The following TTLL6 variants were observed in gnomAD, a reference collection of about 807,000 sequenced individuals.
TTLL6 encodes tubulin polyglutamylase TTLL6.
In TTLL6, 75 loss-of-function variants were observed where a neutral mutation model predicts 96.4. The ratio of observed to expected loss-of-function variants is 0.78; its 90% CI spans 0.65 to 0.94. The LOEUF is 0.94. Among genes scored for constraint, TTLL6 ranks in the 40% least tolerant of loss-of-function variants. TTLL6 has a pLI of 0.00. For missense variants in TTLL6, 1,030 were observed against 1,093.0 expected (o/e 0.94, Z 0.81); for synonymous variants, 411 against 419.4 (o/e 0.98, Z 0.24).
Position 48,769,071 on chromosome 17 carries a change from G to T in TTLL6, c.2594C>A (p.Ala865Asp), listed in dbSNP as rs1281029604. The T allele has an allele frequency of 3.7e-6, 6 of 1,614,068 alleles. No individual in the cohort carries two copies. The Admixed American group carries it at 1.0e-4, about 27-fold the overall frequency. The part of the protein sequence containing the change: ...DPRPCRSHAS[A>D]MRDPCMQDQE... ...ATCCTGCATACATGGGTCCCTCATA[G>T]CACTTGCGTGGCTTCTACAAGGCCT... The change falls in exon 15 of 16, where the codon GCT becomes GAT. Residue 865 changes from alanine (A) to aspartate (D), a missense_variant. By Grantham distance (126) the Ala-to-Asp change is moderately radical (BLOSUM62 -2). Transcript: ENST00000393382.
At chr17:48,813,305 C>T (rs1302803098) in intron 1 of TTLL6, among the ~76,000 whole-genome samples, 2 of 151,160 alleles carry the variant, frequency 1.3e-5, no homozygotes, top group African/African-American at 4.9e-5. Context: ...CCTGTAATCT[C>T]AGCACTTTCG....
At position 48,797,099 on chromosome 17, in the gene TTLL6, C is replaced by T; in HGVS notation, c.874G>A (p.Ala292Thr). 1 of 1,551,428 alleles carries T rather than the reference C, an allele frequency of 6.4e-7. No homozygotes were observed. The highest frequency in any genetic ancestry group is 8.7e-7 in the Non-Finnish European group (1 of 1,146,964). ...CAAGGGCGGGAGTAAGAGGTCGTCGCAAAGCGGGCCAGTCCTTCATTGTAC... is the reference window on the plus strand; with the variant it reads ...CAAGGGCGGGAGTAAGAGGTCGTCGTAAAGCGGGCCAGTCCTTCATTGTAC... ...FVYNEGLARF[A>T]TTSYSRPCTD... The change falls in exon 7 of 16, where the codon GCG becomes ACG. Residue 292 changes from alanine to threonine, a missense_variant. Transcript: ENST00000393382.
intron 13 of TTLL6, among the ~76,000 whole-genome samples, chr17:48,778,631 T>TAA (rs542565908): frequency 1.5e-4 from 21 of 137,892 alleles, no homozygotes; most frequent in African/African-American, 4.0e-4. Context: ...CTCAGTCTCT[T>TAA]AAAAAAAAAA....
intron 13 of TTLL6, among the ~76,000 whole-genome samples, chr17:48,774,558 T>A (rs973624717): frequency 2.0e-5 from 3 of 151,468 alleles, no homozygotes; most frequent in East Asian, 1.9e-4. Context: ...ATTACTAATA[T>A]CAGGAATGAA....
Position 48,791,607 on chromosome 17 carries a change from G to A in TTLL6, c.999-4C>T. The A allele has an allele frequency of 6.2e-7, 1 of 1,605,762 alleles. No individual in the cohort carries two copies. Among genetic ancestry groups the A allele is most frequent in the Non-Finnish European group, 8.5e-7 (1 of 1,173,796 alleles). On this transcript the variant is annotated splice_polypyrimidine_tract_variant and splice_region_variant and intron_variant, in intron 8 of 15. Transcript: ENST00000393382. ...TGCACTGAAGGTGGAGAGCTTCCTG[G>A]AAGGGAACCACAGGCCAGGAGGCAG...
intron 7 of TTLL6, 73 bp downstream of exon 7, chr17:48,796,988 G>T: frequency 7.0e-7 from 1 of 1,433,956 alleles, no homozygotes; most frequent in South Asian, 1.5e-5. Context: ...TGAGGATGTG[G>T]ATTTAACTAG....
At chr17:48,781,346 C>T (rs889000873) in intron 13 of TTLL6, among the ~76,000 whole-genome samples, 2 of 152,082 alleles carry the variant, frequency 1.3e-5, no homozygotes, top group Non-Finnish European at 2.9e-5. Context: ...TGCACCTAGC[C>T]CTATTTTCAA....
chr17:48,789,057 G>A (rs547895966), intron 10 of TTLL6, among the ~76,000 whole-genome samples: 1 of 151,460 alleles, frequency 6.6e-6, no homozygotes, highest in African/African-American at 2.4e-5. Context: ...GGAAGCAGGA[G>A]ACGTTAGCTC....
intron 3 of TTLL6, among the ~76,000 whole-genome samples, chr17:48,803,235 C>T: frequency 6.6e-6 from 1 of 152,110 alleles, no homozygotes; most frequent in East Asian, 1.9e-4. Context: ...TGGCTCACAC[C>T]TATAATCCCA....
chr17:48,776,081 G>A (rs558964990), intron 13 of TTLL6, among the ~76,000 whole-genome samples: 36 of 152,276 alleles, frequency 2.4e-4, no homozygotes, highest in Non-Finnish European at 4.7e-4. Context: ...AGAGACTAAT[G>A]ATTGGAAAGA....
At position 48,762,921 on chromosome 17, in the gene TTLL6, TTCC is replaced by T; in HGVS notation, c.*50_*52del. 2.2e-6 allele frequency: 1 copy of T among 456,472 alleles called. No individual in the cohort carries two copies. Among genetic ancestry groups the T allele is most frequent in the South Asian group, 1.6e-5 (1 of 64,516 alleles). 28.3% of individuals were successfully genotyped at this position (456,472 alleles called of 1,614,324 possible). Reference sequence around the variant, plus strand: ...GACACTGTCGGAAGAGACACATTGTTTCCTGCAAGTTAAGAGGTAGGAAGGGAA... The same window carrying T: ...GACACTGTCGGAAGAGACACATTGTTTGCAAGTTAAGAGGTAGGAAGGGAA... On this transcript the variant is annotated 3_prime_UTR_variant, in exon 16 of 16. Transcript: ENST00000393382.
chr17:48,785,860 C>T lies in TTLL6; in HGVS notation c.1761+304G>A, dbSNP rs146427859. 9.2e-5 allele frequency among the ~76,000 whole-genome samples: 14 copies of T among 152,260 alleles called. No individual in the cohort carries two copies. The East Asian group carries it at 1.7e-3, about 19-fold the overall frequency. ...CAGGAGTACATGCACTCCTGAAGCC[C>T]GCTCCCTAAATAAGGTTCATGCTCA... On this transcript the variant is annotated intron_variant, in intron 12 of 15. Coordinates refer to ENST00000393382, the MANE Select transcript of TTLL6 (RefSeq NM_001130918.3).
In TTLL6 at chr17:48,790,015, A is replaced by C. The variant is rs1314382252; in HGVS notation, c.1316T>G (p.Leu439Arg). 6.2e-7 allele frequency: 1 copy of C among 1,614,100 alleles called. No homozygotes were observed. Among genetic ancestry groups the C allele is most frequent in the East Asian group, 2.2e-5 (1 of 44,880 alleles). ...GACTTTCTTCTTGTCACAGCTTTCCAGGTTGATCAGGACTAAGGTGTCATA... is the reference window on the plus strand; with the variant it reads ...GACTTTCTTCTTGTCACAGCTTTCCCGGTTGATCAGGACTAAGGTGTCATA... ...LLYDTLVLINLESCDKKKVLE... is the reference protein window; with the variant it reads ...LLYDTLVLINRESCDKKKVLE... The change falls in exon 10 of 16, where the codon CTG becomes CGG. Residue 439 changes from leucine (L) to arginine (R), a missense_variant. Coordinates refer to ENST00000393382, the MANE Select transcript of TTLL6 (RefSeq NM_001130918.3).
At chr17:48,778,922 T>A (rs1263352694) in intron 13 of TTLL6, among the ~76,000 whole-genome samples, 1 of 128,972 alleles carries the variant, frequency 7.8e-6, no homozygotes, top group Non-Finnish European at 1.6e-5. Flanking sequence ...AGAGTGAGAC[T>A]CCATCTCAAA....
chr17:48,766,662 G>A (rs772757705), intron 15 of TTLL6, among the ~76,000 whole-genome samples: 3 of 152,116 alleles, frequency 2.0e-5, no homozygotes, highest in East Asian at 1.9e-4. Flanking sequence ...CCAGGATTTC[G>A]AGAACAACTT....
intron 8 of TTLL6, among the ~76,000 whole-genome samples, chr17:48,792,685 A>G (rs1421654055): frequency 6.6e-6 from 1 of 152,214 alleles, no homozygotes; most frequent in Admixed American, 6.5e-5. Context: ...GTCAACACAC[A>G]TGTGAAACAA....
At chr17:48,769,336 G>A in intron 14 of TTLL6, 82 bp from the exon 15 acceptor site, 7 of 1,477,808 alleles carry the variant, frequency 4.7e-6, no homozygotes, top group Non-Finnish European at 6.3e-6. Context: ...CCTCCCAGTA[G>A]GGTCCCATGG....
chr17:48,774,425 A>T (rs1413727470), intron 13 of TTLL6, among the ~76,000 whole-genome samples: 3 of 151,886 alleles, frequency 2.0e-5, no homozygotes, highest in Admixed American at 2.0e-4. Flanking sequence ...CGGCCTCCCA[A>T]AGTGCTAGGA....
intron 13 of TTLL6, among the ~76,000 whole-genome samples, chr17:48,782,045 C>T (rs1284247863): frequency 1.3e-5 from 2 of 151,712 alleles, no homozygotes; most frequent in Non-Finnish European, 2.9e-5. Flanking sequence ...GCAGCCTGAA[C>T]AGACTAAGGC....
Sources: allele counts gnomAD v4.1 joint callset (sites outside exome capture counted in the v4.1 genomes callset), GRCh38; gene constraint gnomAD v4.1.1; transcripts MANE v1.5; gene names NCBI Gene and HGNC (gene_info 2026-07-23, HGNC 2026-07-21).